Variants in SETD7 observed in about 807,000 individuals in gnomAD.
SETD7 encodes the protein histone-lysine N-methyltransferase SETD7.
A neutral mutation model predicts 41.8 loss-of-function variants in SETD7; 16 were observed. The ratio of observed to expected loss-of-function variants is 0.38; its 90% CI spans 0.26 to 0.58. The LOEUF (loss-of-function observed/expected upper bound fraction) is 0.58, where lower values mean the gene tolerates loss of function less well. SETD7 is among the 20% of genes least tolerant of loss of function. The pLI is 0.64. For missense variants in SETD7, 346 were observed against 459.7 expected, an observed-to-expected ratio of 0.75 and a Z score of 2.26; for synonymous variants, 163 against 169.7, an observed-to-expected ratio of 0.96 and a Z score of 0.31.
chr4:139,522,741 CTTTTTTTTTT>C (rs11357611), intron 5 of SETD7, among the ~76,000 whole-genome samples: 6 of 93,432 alleles, frequency 6.4e-5, no homozygotes, highest in Middle Eastern at 8.3e-3. Context: ...CCCAGCTGCT[CTTTTTTTTTT>C]TTTTTTTTTT....
rs539408049 is a variant in SETD7 at position 139,518,022 on chromosome 4, G to A, written c.783C>T (p.Ala261=). The A allele has an allele frequency of 1.9e-6, 3 of 1,613,454 alleles. No homozygotes were observed. Among genetic ancestry groups the A allele is most frequent in the African/African-American group, 2.7e-5 (2 of 74,992 alleles). Reference sequence around the variant, plus strand: ...CAAGGGAGAGGGTGTTCCCATTAAGGGCCCAGTCCCTGCTGTCAACCTGCA... The same window carrying A: ...CAAGGGAGAGGGTGTTCCCATTAAGAGCCCAGTCCCTGCTGTCAACCTGCA... ...THQEVDSRDW[A]LNGNTLSLDE... is the part of the protein sequence containing the mutation. Residue 261 remains alanine, a synonymous_variant, in exon 7 of 8, where the codon GCC becomes GCT. Coordinates refer to ENST00000274031, the MANE Select transcript of SETD7 (RefSeq NM_030648.4).
intron 7 of SETD7, among the ~76,000 whole-genome samples, chr4:139,497,906 G>C (rs1683930246): frequency 6.6e-6 from 1 of 152,116 alleles, no homozygotes; most frequent in Non-Finnish European, 1.5e-5. Context: ...AGAGGTGTTT[G>C]TTTTACAGCA....
At chr4:139,502,336 A>C (rs940323871), downstream of SETD7, among the ~76,000 whole-genome samples, 15 of 152,254 alleles carry the variant, frequency 9.9e-5, no homozygotes, top group Non-Finnish European at 1.6e-4. Flanking sequence ...TGAAAAATAA[A>C]GGAGGGTAAA....
chr4:139,552,972 A>G (rs1728153006), intron 1 of SETD7, among the ~76,000 whole-genome samples: 1 of 152,228 alleles, frequency 6.6e-6, no homozygotes, highest in Admixed American at 6.5e-5. Flanking sequence ...ATAACACTGG[A>G]AAACTAAACA....
chr4:139,498,119 A>C (rs1291654128), intron 7 of SETD7, among the ~76,000 whole-genome samples: 1 of 152,208 alleles, frequency 6.6e-6, no homozygotes, highest in Non-Finnish European at 1.5e-5. Context: ...AAAACTGCGG[A>C]GTTCATCCCT....
chr4:139,549,688 C>T (rs1014626595), intron 1 of SETD7, among the ~76,000 whole-genome samples: 2 of 152,094 alleles, frequency 1.3e-5, no homozygotes, highest in African/African-American at 4.8e-5. Flanking sequence ...TCACTGTAAC[C>T]TCAACTTGTA....
chr4:139,522,008 A>G (rs1036595923), intron 5 of SETD7, among the ~76,000 whole-genome samples: 3 of 152,210 alleles, frequency 2.0e-5, no homozygotes, highest in Admixed American at 2.0e-4. Flanking sequence ...GATTCTGTAA[A>G]CCACTGAAAG....
chr4:139,534,876 T>C (rs186128850), intron 2 of SETD7, among the ~76,000 whole-genome samples: 2,116 of 152,316 alleles, frequency 0.014, 31 homozygotes, highest in Non-Finnish European at 0.024. Flanking sequence ...CTGTGAATGA[T>C]CTATAATTAT....
At chr4:139,497,597 GTTTTTTTT>G (rs372331930) in intron 7 of SETD7, among the ~76,000 whole-genome samples, 1 of 146,880 alleles carries the variant, frequency 6.8e-6, no homozygotes, top group Non-Finnish European at 1.5e-5. Context: ...TTGTTTTTTT[GTTTTTTTT>G]TTAGACGAAA....
intron 3 of SETD7, among the ~76,000 whole-genome samples, chr4:139,532,267 T>C (rs929651391): frequency 6.6e-6 from 1 of 152,006 alleles, no homozygotes; most frequent in African/African-American, 2.4e-5. Flanking sequence ...AAACCCTGTC[T>C]CAAAAAAGAA....
At chr4:139,545,209 G>T (rs982888015) in intron 2 of SETD7, among the ~76,000 whole-genome samples, 1 of 151,964 alleles carries the variant, frequency 6.6e-6, no homozygotes, top group East Asian at 1.9e-4. Context: ...TTGAAACAGG[G>T]TCTTGCTCTG....
At chr4:139,532,925 T>G in intron 3 of SETD7, 1 of 573,970 alleles carries the variant, frequency 1.7e-6, no homozygotes. Flanking sequence ...GTTTTAATCA[T>G]GATTAATTAC....
At position 139,556,188 on chromosome 4, in the gene SETD7, C is replaced by A; in HGVS notation, c.-51G>T. 6.4e-7 allele frequency: 1 copy of A among 1,555,292 alleles called. No homozygotes were observed. Among genetic ancestry groups the A allele is most frequent in the Non-Finnish European group, 8.7e-7 (1 of 1,149,868 alleles). On this transcript the variant is annotated 5_prime_UTR_variant, in exon 1 of 8. In the 5' UTR this introduces an upstream ATG that the reference lacks. Transcript: ENST00000274031. ...GGGGCTGCGCGGCTGCCTCCCGTCC[C>A]TCTGGGTGCTCCCGGCGGCTGAGCG... is the stretch of plus-strand genomic sequence containing the variant.
chr4:139,540,188 GT>G (rs1727744135), intron 2 of SETD7, among the ~76,000 whole-genome samples: 1 of 152,106 alleles, frequency 6.6e-6, no homozygotes, highest in Non-Finnish European at 1.5e-5. Context: ...AATTATCTCC[GT>G]TTTACAAATT....
At chr4:139,522,741 C>CTTTTTTTTTTTTTTTTTTTTTT (rs11357611) in intron 5 of SETD7, among the ~76,000 whole-genome samples, 2 of 93,452 alleles carry the variant, frequency 2.1e-5, no homozygotes, top group African/African-American at 4.4e-5. Context: ...CCCAGCTGCT[C>CTTTTTTTTTTTTTTTTTTTTTT]TTTTTTTTTT....
chr4:139,551,966 A>G (rs1728121346), intron 1 of SETD7, among the ~76,000 whole-genome samples: 1 of 152,202 alleles, frequency 6.6e-6, no homozygotes, highest in African/African-American at 2.4e-5. Flanking sequence ...TTAAAAACAT[A>G]ACTTGATGTT....
chr4:139,533,493 C>T, intron 2 of SETD7, 127 bp from the exon 3 acceptor site: 1 of 751,448 alleles, frequency 1.3e-6, no homozygotes, highest in African/African-American at 1.8e-5. Context: ...GCGCAGCCTC[C>T]TAAATTATCA....
chr4:139,546,896 A>G (rs754048435), intron 2 of SETD7, 24 bp downstream of exon 2: 17 of 1,614,014 alleles, frequency 1.1e-5, no homozygotes, highest in African/African-American at 1.3e-5. Context: ...CCCCCAAAGA[A>G]CAAAATAAAA....
At chr4:139,553,169 C>T (rs903132692) in intron 1 of SETD7, among the ~76,000 whole-genome samples, 5 of 152,196 alleles carry the variant, frequency 3.3e-5, no homozygotes. Flanking sequence ...AGGGAATTGT[C>T]CACTCTGAGT....
Sources: allele counts gnomAD v4.1 joint callset (sites outside exome capture counted in the v4.1 genomes callset), GRCh38; gene constraint gnomAD v4.1.1; transcripts MANE v1.5; gene names NCBI Gene and HGNC (gene_info 2026-07-23, HGNC 2026-07-21).